The following COL11A1 variants were observed in gnomAD, a reference collection of about 807,000 sequenced individuals.
COL11A1 encodes the protein collagen type XI alpha 1 chain.
In COL11A1, 74 loss-of-function variants were observed where a neutral mutation model predicts 265.2. The ratio of observed to expected loss-of-function variants is 0.28; its 90% CI spans 0.23 to 0.34. COL11A1 has a LOEUF of 0.34. Ranked by LOEUF, COL11A1 falls within the 10% of genes least tolerant of loss-of-function variation. The pLI, the probability that COL11A1 is intolerant of heterozygous loss-of-function variation, is 1.00. For missense variants in COL11A1, 2,165 were observed against 2,263.6 expected (o/e 0.96, Z 0.88); for synonymous variants, 816 against 727.6 (o/e 1.12, Z -1.96).
At chr1:103,032,461 T>A (rs1332880140) in intron 4 of COL11A1, among the ~76,000 whole-genome samples, 2 of 152,018 alleles carry the variant, frequency 1.3e-5, no homozygotes, top group East Asian at 3.8e-4. Context: ...TTTGATATAA[T>A]CTTTGCACTT....
chr1:103,046,025 A>G (rs1187036432), intron 4 of COL11A1, among the ~76,000 whole-genome samples: 1 of 151,330 alleles, frequency 6.6e-6, no homozygotes, highest in African/African-American at 2.4e-5. Flanking sequence ...TCGTTGTTGG[A>G]CATTTGGGTT....
chr1:102,887,175 C>G (rs1218998276), intron 62 of COL11A1, 119 bp from the exon 63 acceptor site: 1 of 1,256,252 alleles, frequency 8.0e-7, no homozygotes, highest in African/African-American at 1.5e-5. Context: ...TTTTCATTAG[C>G]TACAAAATTT....
intron 4 of COL11A1, among the ~76,000 whole-genome samples, chr1:103,074,259 A>T (rs1671802385): frequency 6.6e-6 from 1 of 152,104 alleles, no homozygotes; most frequent in Non-Finnish European, 1.5e-5. Flanking sequence ...TGACTTGCGC[A>T]TCTCTCTAAA....
At chr1:102,914,202 T>G (rs762600945) in intron 52 of COL11A1, 150 bp downstream of exon 52, 393 of 682,118 alleles carry the variant, frequency 5.8e-4, no homozygotes, top group Admixed American at 1.2e-3. Flanking sequence ...ATATGGATTT[T>G]CCTGCATTTG....
In COL11A1 at chr1:103,064,835, T is replaced by TAA. The variant is rs34232422; in HGVS notation, c.651+9781_651+9782dup. ...GGAAAAGTCAAAATTATAGAGGCAG[T>TAA]AAAAAAAAAAAAAATCGCAACTTCC... On this transcript the variant is annotated intron_variant, in intron 4 of 66. Coordinates refer to ENST00000370096, the MANE Select transcript of COL11A1 (RefSeq NM_001854.4). Among the ~76,000 whole-genome samples, 180 of 136,686 alleles carry TAA rather than the reference T, an allele frequency of 1.3e-3. 1 individual carries two copies. Among genetic ancestry groups the TAA allele is most frequent in the African/African-American group, 4.4e-3 (166 of 38,020 alleles). 89.7% of individuals were successfully genotyped at this position (136,686 alleles called of 152,430 possible).
chr1:103,017,368 G>C (rs1666649769), intron 11 of COL11A1, among the ~76,000 whole-genome samples: 1 of 152,088 alleles, frequency 6.6e-6, no homozygotes, highest in South Asian at 2.1e-4. Context: ...GGGGAAAAAA[G>C]GGAAGGTTAT....
chr1:102,900,990 C>A (rs1653117700), intron 54 of COL11A1, among the ~76,000 whole-genome samples: 1 of 152,022 alleles, frequency 6.6e-6, no homozygotes, highest in South Asian at 2.1e-4. Context: ...GTGTTAAGGT[C>A]ATGAGGGCTC....
At chr1:102,949,032 G>A (rs181454701) in intron 41 of COL11A1, among the ~76,000 whole-genome samples, 3 of 152,048 alleles carry the variant, frequency 2.0e-5, no homozygotes, top group Admixed American at 2.0e-4. Flanking sequence ...TATGAATTGA[G>A]AGGAATGCAA....
At chr1:103,017,666 A>G (rs926377481) in intron 11 of COL11A1, among the ~76,000 whole-genome samples, 154 bp downstream of exon 11, 1 of 152,176 alleles carries the variant, frequency 6.6e-6, no homozygotes, top group Non-Finnish European at 1.5e-5. Context: ...TAATATTTAA[A>G]ATGTTAACTA....
intron 65 of COL11A1, among the ~76,000 whole-genome samples, chr1:102,880,699 A>AT (rs1389497766): frequency 6.6e-6 from 1 of 152,032 alleles, no homozygotes; most frequent in Non-Finnish European, 1.5e-5. Context: ...GAAAAAAAAA[A>AT]GGTTAAGATG....
At chr1:102,906,713 TTTTTTTC>T (rs1304640774) in intron 54 of COL11A1, among the ~76,000 whole-genome samples, 1 of 152,178 alleles carries the variant, frequency 6.6e-6, no homozygotes, top group Admixed American at 6.5e-5. Context: ...GTTTCCATTT[TTTTTTTC>T]TTTTTCTTTT....
chr1:103,008,588 C>A (rs1476245018), intron 14 of COL11A1, 72 bp from the exon 15 acceptor site: 5 of 1,170,430 alleles, frequency 4.3e-6, no homozygotes, highest in Admixed American at 1.7e-5. Context: ...GCCAATTGCA[C>A]CTGAAATAAT....
In COL11A1 at chr1:102,940,399, A is replaced by G; in HGVS notation, c.3312T>C (p.Asp1104=). The G allele has an allele frequency of 6.2e-7, 1 of 1,613,948 alleles. No homozygotes were observed. Among genetic ancestry groups the G allele is most frequent in the East Asian group, 2.2e-5 (1 of 44,872 alleles). ...GGAGACCAACAGGACCTTGAACTCC[A>G]TCTCTCCCTGCAGGCCCTTGGGGAC... is the stretch of plus-strand genomic sequence containing the variant. ...EKGPQGPAGR[D]GVQGPVGLPG... Residue 1104 remains aspartate, a synonymous_variant, in exon 43 of 67, where the codon GAT becomes GAC. Coordinates refer to ENST00000370096, the MANE Select transcript of COL11A1 (RefSeq NM_001854.4).
intron 30 of COL11A1, among the ~76,000 whole-genome samples, chr1:102,986,112 T>C (rs114059983): frequency 1.0e-3 from 153 of 152,106 alleles, no homozygotes; most frequent in African/African-American, 3.3e-3. Flanking sequence ...GTAATTTTCT[T>C]AAATAGCATT....
At chr1:102,960,912 T>A (rs1468410628) in intron 41 of COL11A1, among the ~76,000 whole-genome samples, 4 of 152,064 alleles carry the variant, frequency 2.6e-5, no homozygotes, top group Non-Finnish European at 5.9e-5. Context: ...TGAAACTGAC[T>A]GAAGGGGATA....
At position 103,098,437 on chromosome 1, in the gene COL11A1, A is replaced by G. The variant is rs1340310925; in HGVS notation, c.106+9636T>C. On this transcript the variant is annotated intron_variant, in intron 1 of 66. Transcript: ENST00000370096. ...CAACATTATCTATGAAACTTTATAA[A>G]GCATCTATGCTTTGATGTCATACAA... Among the ~76,000 whole-genome samples the G allele has an allele frequency of 4.6e-5, 7 of 152,026 alleles. No homozygotes were observed. In the South Asian group the frequency reaches 1.4e-3, roughly 31 times the overall value.
At position 102,978,700 on chromosome 1, in the gene COL11A1, A is replaced by G. The variant is rs1163729765; in HGVS notation, c.2754+8T>C. 6.2e-7 allele frequency: 1 copy of G among 1,613,672 alleles called. No individual in the cohort carries two copies. Among genetic ancestry groups the G allele is most frequent in the Non-Finnish European group, 8.5e-7 (1 of 1,179,660 alleles). ...TCATTTTATATTATGTGGCTGTATC[A>G]TACGTACTCTTTCACCTGGAGGGCC... On this transcript the variant is annotated splice_region_variant and intron_variant, in intron 35 of 66. Transcript: ENST00000370096.
chr1:102,932,851 C>A (rs1170216668), intron 46 of COL11A1, among the ~76,000 whole-genome samples: 4 of 151,656 alleles, frequency 2.6e-5, no homozygotes, highest in East Asian at 3.9e-4. Context: ...TTCATCTTCC[C>A]TCGCTGATAC....
chr1:103,049,714 G>A (rs903200114), intron 4 of COL11A1, among the ~76,000 whole-genome samples: 1 of 152,108 alleles, frequency 6.6e-6, no homozygotes, highest in African/African-American at 2.4e-5. Context: ...TTACAATTTG[G>A]CATGTTTTTG....
Sources: allele counts gnomAD v4.1 joint callset (sites outside exome capture counted in the v4.1 genomes callset), GRCh38; gene constraint gnomAD v4.1.1; transcripts MANE v1.5; gene names NCBI Gene and HGNC (gene_info 2026-07-23, HGNC 2026-07-21).